ARHGAP26: variants seen among roughly 807,000 people sequenced by gnomAD.
ARHGAP26 encodes the protein rho GTPase-activating protein 26.
ARHGAP26 carries 38 observed loss-of-function variants against 104.8 expected under a neutral mutation model. The observed-to-expected ratio is 0.36, with a 90% CI of 0.28 to 0.48. ARHGAP26 has a LOEUF of 0.48. Ranked by LOEUF, ARHGAP26 falls within the 20% of genes least tolerant of loss-of-function variation. The probability of loss-of-function intolerance (pLI) is 0.99; values close to 1 mark genes in which losing one functional copy is unlikely to be tolerated. For missense variants in ARHGAP26, 704 were observed against 947.9 expected (o/e 0.74, Z 3.38); for synonymous variants, 341 against 340.0 (o/e 1.00, Z -0.03).
In ARHGAP26 at chr5:143,222,569, T is replaced by G; in HGVS notation, c.*123T>G. 1.5e-6 allele frequency: 1 copy of G among 668,446 alleles called. No individual in the cohort carries two copies. Among genetic ancestry groups the G allele is most frequent in the Non-Finnish European group, 2.3e-6 (1 of 426,314 alleles). 41.4% of individuals were successfully genotyped at this position (668,446 alleles called of 1,614,324 possible). ...GCGTGACTGACTCTGTTGCTACCTG[T>G]CAACATGAATGTTTCTGTGAGCTCT... On this transcript the variant is annotated 3_prime_UTR_variant, in exon 23 of 23. Transcript: ENST00000645722.
chr5:143,006,612 G>T (rs560245216), intron 11 of ARHGAP26, among the ~76,000 whole-genome samples: 1 of 152,164 alleles, frequency 6.6e-6, no homozygotes, highest in Non-Finnish European at 1.5e-5. Context: ...AAACAGAAAA[G>T]TAGCAACAGC....
intron 3 of ARHGAP26, 71 bp from the exon 4 acceptor site, chr5:142,879,303 T>C (rs1756590532): frequency 3.6e-6 from 5 of 1,405,542 alleles, no homozygotes; most frequent in Non-Finnish European, 5.0e-6. Context: ...CATCTCATGC[T>C]GGAGCTGCTG....
At chr5:143,192,396 ATTT>A (rs1389353489) in intron 20 of ARHGAP26, 3 of 152,274 alleles carry the variant, frequency 2.0e-5, no homozygotes, top group South Asian at 2.1e-4. Context: ...AAGTAAAGCC[ATTT>A]GTTTAGAACA....
At chr5:143,204,727 C>T (rs969752729) in intron 20 of ARHGAP26, among the ~76,000 whole-genome samples, 4 of 152,060 alleles carry the variant, frequency 2.6e-5, no homozygotes, top group Non-Finnish European at 5.9e-5. Context: ...ATGTTCCAAA[C>T]TATGCCATTA....
intron 11 of ARHGAP26, among the ~76,000 whole-genome samples, chr5:142,982,473 A>C (rs1181092016): frequency 6.6e-6 from 1 of 152,150 alleles, no homozygotes; most frequent in East Asian, 1.9e-4. Flanking sequence ...TTTGGACTTT[A>C]CTAAACAGGA....
At chr5:143,150,478 T>A (rs1001408271) in intron 20 of ARHGAP26, among the ~76,000 whole-genome samples, 1 of 151,376 alleles carries the variant, frequency 6.6e-6, no homozygotes, top group Non-Finnish European at 1.5e-5. Flanking sequence ...GTAGATGGAG[T>A]GTGAGGTGGG....
chr5:142,831,391 CTTG>C (rs1331328912), intron 1 of ARHGAP26, among the ~76,000 whole-genome samples: 2 of 151,936 alleles, frequency 1.3e-5, no homozygotes, highest in African/African-American at 4.8e-5. Context: ...CTTTTTTCTC[CTTG>C]TTGTCCACAG....
Position 143,225,413 on chromosome 5 carries a change from T to C in ARHGAP26, c.*2967T>C. On this transcript the variant is annotated 3_prime_UTR_variant, in exon 23 of 23. Coordinates refer to ENST00000645722, the MANE Select transcript of ARHGAP26 (RefSeq NM_001135608.3). ...CATGTTTGCCAGGCTGATCTCGAAC[T>C]CCTGACCTCAAGTGATCTGCCCACT... 1 of 190,234 alleles carries C rather than the reference T, an allele frequency of 5.3e-6. No individual in the cohort carries two copies. Among genetic ancestry groups the C allele is most frequent in the Non-Finnish European group, 1.1e-5 (1 of 90,670 alleles). The allele number at this position is 190,234 out of a possible 1,614,324, so 11.8% of individuals were successfully genotyped here.
chr5:142,930,155 G>A (rs577956915), intron 10 of ARHGAP26, among the ~76,000 whole-genome samples: 2 of 152,304 alleles, frequency 1.3e-5, no homozygotes, highest in South Asian at 2.1e-4. Flanking sequence ...ACCCAAAACC[G>A]GGGACTTGAG....
intron 4 of ARHGAP26, among the ~76,000 whole-genome samples, chr5:142,884,252 T>G (rs377753822): frequency 2.3e-4 from 35 of 152,288 alleles, no homozygotes; most frequent in African/African-American, 8.2e-4. Context: ...TGGAGGCACA[T>G]TGTCCTAGGC....
At position 143,228,704 on chromosome 5, in the gene ARHGAP26, T is replaced by C; in HGVS notation, c.*6258T>C. 4.9e-6 allele frequency: 1 copy of C among 206,156 alleles called. No individual in the cohort carries two copies. The highest frequency in any genetic ancestry group is 9.9e-6 in the Non-Finnish European group (1 of 100,654). 12.8% of individuals were successfully genotyped at this position (206,156 alleles called of 1,614,324 possible). ...TTAAATGGCACTTTAATGTTTTCTT[T>C]TAAAATAACGCACTGTTCTAAACTT... On this transcript the variant is annotated 3_prime_UTR_variant, in exon 23 of 23. Coordinates refer to ENST00000645722, the MANE Select transcript of ARHGAP26 (RefSeq NM_001135608.3).
intron 1 of ARHGAP26, among the ~76,000 whole-genome samples, chr5:142,789,760 C>T (rs535075220): frequency 4.9e-4 from 75 of 152,276 alleles, no homozygotes; most frequent in African/African-American, 1.5e-3. Context: ...AACACTTGGG[C>T]GGTTCTGGGG....
intron 17 of ARHGAP26, among the ~76,000 whole-genome samples, chr5:143,104,747 G>A (rs1793754556): frequency 6.6e-6 from 1 of 152,124 alleles, no homozygotes; most frequent in African/African-American, 2.4e-5. Flanking sequence ...TGTTGAGTGA[G>A]ACAATGAATG....
chr5:143,107,670 A>G (rs989445545), intron 17 of ARHGAP26, among the ~76,000 whole-genome samples: 3 of 152,176 alleles, frequency 2.0e-5, no homozygotes, highest in African/African-American at 7.2e-5. Context: ...TCTTGCTGAG[A>G]GTGTGAATGT....
chr5:143,127,230 A>G (rs1261677833), intron 18 of ARHGAP26, among the ~76,000 whole-genome samples: 1 of 152,088 alleles, frequency 6.6e-6, no homozygotes, highest in Non-Finnish European at 1.5e-5. Context: ...TTGCTATTAA[A>G]TTCCAACACA....
At chr5:143,018,844 A>G (rs1368520259) in intron 12 of ARHGAP26, among the ~76,000 whole-genome samples, 2 of 152,156 alleles carry the variant, frequency 1.3e-5, no homozygotes. Flanking sequence ...TAAATTCTAT[A>G]ATAAGTTTAA....
chr5:142,887,959 T>G (rs1214287936), intron 5 of ARHGAP26, among the ~76,000 whole-genome samples: 2 of 151,946 alleles, frequency 1.3e-5, no homozygotes, highest in African/African-American at 4.8e-5. Flanking sequence ...AGTGAGACTC[T>G]TTCTCAAAAA....
chr5:143,156,042 C>T (rs192102793), intron 20 of ARHGAP26, among the ~76,000 whole-genome samples: 1 of 152,324 alleles, frequency 6.6e-6, no homozygotes, highest in Admixed American at 6.5e-5. Flanking sequence ...TAAGATTTCG[C>T]ATGGCTTTTT....
At chr5:142,793,201 T>C (rs955976132) in intron 1 of ARHGAP26, among the ~76,000 whole-genome samples, 11 of 150,296 alleles carry the variant, frequency 7.3e-5, no homozygotes, top group African/African-American at 2.7e-4. Flanking sequence ...CAAGCAACCC[T>C]GGACCTAAAA....
Sources: allele counts gnomAD v4.1 joint callset (sites outside exome capture counted in the v4.1 genomes callset), GRCh38; gene constraint gnomAD v4.1.1; transcripts MANE v1.5; gene names NCBI Gene and HGNC (gene_info 2026-07-23, HGNC 2026-07-21).